LRRC4C: variants seen among roughly 807,000 people sequenced by gnomAD.
The protein encoded by LRRC4C is leucine rich repeat containing 4C, also known as leucine-rich repeat-containing protein 4C.
In LRRC4C, 5 loss-of-function variants were observed where a neutral mutation model predicts 33.6. The ratio of observed to expected loss-of-function variants is 0.15; its 90% CI spans 0.08 to 0.31. LRRC4C has a LOEUF of 0.31. LRRC4C is among the 10% of genes least tolerant of loss of function. The pLI, the probability that LRRC4C is intolerant of heterozygous loss-of-function variation, is 1.00. For missense variants in LRRC4C, 560 were observed against 796.7 expected, an observed-to-expected ratio of 0.70 and a Z score of 3.58; for synonymous variants, 329 against 302.0, an observed-to-expected ratio of 1.09 and a Z score of -0.93.
intron 1 of LRRC4C, among the ~76,000 whole-genome samples, chr11:41,109,013 T>G (rs1446053411): frequency 6.6e-6 from 1 of 152,102 alleles, no homozygotes; most frequent in Non-Finnish European, 1.5e-5. Context: ...TTGATATTAT[T>G]TTTTGATGTG....
intron 5 of LRRC4C, among the ~76,000 whole-genome samples, chr11:40,167,940 A>G (rs1859735767): frequency 6.6e-6 from 1 of 152,156 alleles, no homozygotes; most frequent in South Asian, 2.1e-4. Context: ...GCTACCGGGG[A>G]GGCTGAGGCA....
intron 1 of LRRC4C, among the ~76,000 whole-genome samples, chr11:41,108,349 C>G (rs374205264): frequency 4.6e-5 from 7 of 152,158 alleles, no homozygotes; most frequent in African/African-American, 1.7e-4. Context: ...AGCCTTACCA[C>G]GATTTGTGCT....
chr11:41,099,215 C>G (rs192687595), intron 1 of LRRC4C, among the ~76,000 whole-genome samples: 120 of 151,884 alleles, frequency 7.9e-4, no homozygotes, highest in Non-Finnish European at 1.5e-3. Flanking sequence ...CCAAAAAAAG[C>G]CCAGGTCTCT....
At chr11:40,621,620 C>G (rs982690554) in intron 3 of LRRC4C, among the ~76,000 whole-genome samples, 1 of 151,702 alleles carries the variant, frequency 6.6e-6, no homozygotes, top group African/African-American at 2.4e-5. Context: ...ATGACTTTAT[C>G]TATTTACATG....
At chr11:41,067,486 CTG>C (rs1453005585) in intron 1 of LRRC4C, among the ~76,000 whole-genome samples, 3 of 152,190 alleles carry the variant, frequency 2.0e-5, no homozygotes, top group Non-Finnish European at 4.4e-5. Context: ...TAACACCCGA[CTG>C]TCAATATTAG....
intron 3 of LRRC4C, among the ~76,000 whole-genome samples, chr11:40,371,647 G>C (rs1253452359): frequency 1.3e-5 from 2 of 152,180 alleles, no homozygotes; most frequent in African/African-American, 4.8e-5. Context: ...TAATGGCCCG[G>C]TAATGTGCTA....
chr11:40,936,406 C>T lies in LRRC4C; in HGVS notation c.-495-2683G>A, dbSNP rs190651269. 7.1e-3 allele frequency among the ~76,000 whole-genome samples: 1,029 copies of T among 145,020 alleles called. 14 individuals carry two copies. Among genetic ancestry groups the T allele is most frequent in the African/African-American group, 0.024 (932 of 38,868 alleles). Reference sequence around the variant, plus strand: ...AGGCTGGAGTGCAGTGGCGCGATCTCGGCTCACTGCAAGCTCCGCCTCCCA... The same window carrying T: ...AGGCTGGAGTGCAGTGGCGCGATCTTGGCTCACTGCAAGCTCCGCCTCCCA... On this transcript the variant is annotated intron_variant, in intron 1 of 6. Coordinates refer to ENST00000528697, the MANE Select transcript of LRRC4C (RefSeq NM_001258419.2).
chr11:40,886,200 G>T (rs1955445441), intron 2 of LRRC4C, among the ~76,000 whole-genome samples: 1 of 151,832 alleles, frequency 6.6e-6, no homozygotes, highest in African/African-American at 2.4e-5. Context: ...GATTTTACTT[G>T]ATTTGGAATC....
chr11:40,456,921 G>GA (rs1401628476), intron 3 of LRRC4C, among the ~76,000 whole-genome samples: 15 of 126,904 alleles, frequency 1.2e-4, no homozygotes, highest in Non-Finnish European at 2.0e-4. Context: ...AAAGGAAGGG[G>GA]AAAAAAAAGA....
chr11:41,278,570 T>C (rs1949554592), intron 1 of LRRC4C, among the ~76,000 whole-genome samples: 1 of 152,252 alleles, frequency 6.6e-6, no homozygotes, highest in South Asian at 2.1e-4. Flanking sequence ...AAGCATCACA[T>C]GGAGGGCTTG....
intron 1 of LRRC4C, among the ~76,000 whole-genome samples, chr11:41,224,566 T>C (rs1354340978): frequency 6.6e-6 from 1 of 152,178 alleles, no homozygotes; most frequent in Non-Finnish European, 1.5e-5. Flanking sequence ...CCCTTCTTAA[T>C]AGGTTTAGAA....
chr11:40,407,013 C>T (rs780305041), intron 3 of LRRC4C, among the ~76,000 whole-genome samples: 1 of 152,056 alleles, frequency 6.6e-6, no homozygotes, highest in African/African-American at 2.4e-5. Flanking sequence ...TGCTTGTTTG[C>T]AAAGGCATTT....
intron 1 of LRRC4C, among the ~76,000 whole-genome samples, chr11:41,086,291 G>A (rs1393282119): frequency 6.6e-6 from 1 of 152,090 alleles, no homozygotes; most frequent in Non-Finnish European, 1.5e-5. Flanking sequence ...ACACTATGCT[G>A]ATATAAATCA....
intron 1 of LRRC4C, among the ~76,000 whole-genome samples, chr11:41,409,480 G>A (rs1420604642): frequency 6.6e-6 from 1 of 152,112 alleles, no homozygotes; most frequent in African/African-American, 2.4e-5. Flanking sequence ...TCATGAAATT[G>A]TCTTTTTTAA....
At chr11:40,858,032 G>A (rs1219975871) in intron 2 of LRRC4C, among the ~76,000 whole-genome samples, 3 of 145,818 alleles carry the variant, frequency 2.1e-5, no homozygotes, top group Admixed American at 6.7e-5. Flanking sequence ...GGAAGGGAAG[G>A]GAAGGGAAGG....
intron 1 of LRRC4C, among the ~76,000 whole-genome samples, chr11:41,301,941 C>G (rs1256181591): frequency 6.6e-6 from 1 of 152,186 alleles, no homozygotes; most frequent in Non-Finnish European, 1.5e-5. Flanking sequence ...ACTACTTTTA[C>G]TCTATACCAT....
At chr11:40,453,894 A>G (rs1009931797) in intron 3 of LRRC4C, among the ~76,000 whole-genome samples, 1 of 152,182 alleles carries the variant, frequency 6.6e-6, no homozygotes, top group African/African-American at 2.4e-5. Flanking sequence ...TAACCCTATG[A>G]AATACGAAAC....
intron 3 of LRRC4C, among the ~76,000 whole-genome samples, chr11:40,349,147 C>G (rs1947269491): frequency 6.6e-6 from 1 of 152,108 alleles, no homozygotes. Flanking sequence ...GTTGTGCTAT[C>G]AAATACTAGA....
intron 3 of LRRC4C, among the ~76,000 whole-genome samples, chr11:40,562,877 G>T (rs540322180): frequency 1.6e-4 from 25 of 151,930 alleles, no homozygotes; most frequent in African/African-American, 5.8e-4. Context: ...TCTGACTGAG[G>T]CTTTCTTAGC....
Sources: gnomAD v4.1 joint callset for allele counts (sites outside exome capture counted in the v4.1 genomes callset) on GRCh38, gnomAD v4.1.1 for gene constraint, MANE v1.5 for transcripts, NCBI Gene and HGNC (gene_info 2026-07-23, HGNC 2026-07-21) for gene names.